Variants in ROR1 observed in about 807,000 individuals in gnomAD.
ROR1 encodes the protein inactive tyrosine-protein kinase transmembrane receptor ROR1.
Under a neutral mutation model 78.8 loss-of-function variants are expected in ROR1, and 19 were observed. The ratio of observed to expected loss-of-function variants is 0.24; its 90% confidence interval spans 0.17 to 0.35. The LOEUF (loss-of-function observed/expected upper bound fraction) is 0.35. ROR1 is among the 10% of genes least tolerant of loss of function. The pLI, the probability that ROR1 is intolerant of heterozygous loss-of-function variation, is 1.00. For missense variants in ROR1, 917 were observed against 1,177.8 expected (o/e 0.78, Z 3.24); for synonymous variants, 386 against 433.6 (o/e 0.89, Z 1.36).
At chr1:64,176,601 C>G (rs1254427348) in intron 8 of ROR1, among the ~76,000 whole-genome samples, 2 of 152,222 alleles carry the variant, frequency 1.3e-5, no homozygotes, top group East Asian at 3.8e-4. Context: ...AGCCACCACA[C>G]TGCTTTGTGT....
chr1:64,004,315 A>C (rs1468517866), intron 1 of ROR1, among the ~76,000 whole-genome samples: 1 of 152,214 alleles, frequency 6.6e-6, no homozygotes, highest in Non-Finnish European at 1.5e-5. Context: ...ATAAAAGTAG[A>C]GTTGTTCCTT....
intron 1 of ROR1, among the ~76,000 whole-genome samples, chr1:63,976,791 T>A (rs1646164807): frequency 6.6e-6 from 1 of 152,170 alleles, no homozygotes; most frequent in South Asian, 2.1e-4. Context: ...ATTTTTTGGA[T>A]TTTGGAATAT....
intron 4 of ROR1, among the ~76,000 whole-genome samples, chr1:64,121,514 G>A (rs548839130): frequency 1.3e-5 from 2 of 152,336 alleles, no homozygotes; most frequent in East Asian, 3.9e-4. Context: ...ATTTTGGGAT[G>A]TTTTGTTCAA....
At chr1:63,924,779 T>C (rs2100434594) in intron 1 of ROR1, among the ~76,000 whole-genome samples, 1 of 152,132 alleles carries the variant, frequency 6.6e-6, no homozygotes, top group Non-Finnish European at 1.5e-5. Flanking sequence ...CTGGGAGCAT[T>C]TTGTAGGAGG....
chr1:63,911,397 G>A (rs925791720), intron 1 of ROR1, among the ~76,000 whole-genome samples: 1 of 152,124 alleles, frequency 6.6e-6, no homozygotes, highest in Non-Finnish European at 1.5e-5. Flanking sequence ...ACAGCAGAAG[G>A]TGAGTGGCAG....
chr1:63,998,870 G>A (rs760182323), intron 1 of ROR1, among the ~76,000 whole-genome samples: 1 of 152,122 alleles, frequency 6.6e-6, no homozygotes, highest in African/African-American at 2.4e-5. Context: ...TAATTGAATC[G>A]TGGGGACGGT....
chr1:64,038,293 TCA>T (rs1646719696), intron 2 of ROR1, among the ~76,000 whole-genome samples: 1 of 152,102 alleles, frequency 6.6e-6, no homozygotes. Flanking sequence ...CTGATAAAAG[TCA>T]GGGAACCATC....
At chr1:63,841,611 A>C (rs1281150386) in intron 1 of ROR1, among the ~76,000 whole-genome samples, 1 of 152,210 alleles carries the variant, frequency 6.6e-6, no homozygotes, top group Non-Finnish European at 1.5e-5. Context: ...CCTGTATTTG[A>C]GACTCTGATT....
At chr1:63,823,383 G>C (rs1644934671) in intron 1 of ROR1, among the ~76,000 whole-genome samples, 2 of 148,796 alleles carry the variant, frequency 1.3e-5, no homozygotes, top group Admixed American at 1.3e-4. Context: ...TAGATACAAG[G>C]TTTATAATTT....
rs1246061518 is a variant in ROR1 at position 63,951,713 on chromosome 1, C to G, written c.92-57592C>G. 1.7e-4 allele frequency among the ~76,000 whole-genome samples: 26 copies of G among 152,138 alleles called. 1 individual carries two copies. Among genetic ancestry groups the G allele is most frequent in the Admixed American group, 1.7e-3 (26 of 15,260 alleles). On this transcript the variant is annotated intron_variant, in intron 1 of 8. Transcript: ENST00000371079. The stretch of plus-strand genomic sequence containing the variant: ...TTGTAATTTCTCTTAAAGACACCCC[C>G]CCCTCACCACCAGCCCACATGCTGC...
chr1:64,038,748 AT>A (rs1157853199), intron 2 of ROR1, among the ~76,000 whole-genome samples: 2 of 152,042 alleles, frequency 1.3e-5, no homozygotes, highest in African/African-American at 4.8e-5. Flanking sequence ...TTGTTTATCT[AT>A]TTATAATAGA....
intron 7 of ROR1, among the ~76,000 whole-genome samples, chr1:64,151,244 G>A (rs1459494836): frequency 2.6e-5 from 4 of 152,178 alleles, no homozygotes; most frequent in African/African-American, 9.7e-5. Flanking sequence ...ATATAGCTGA[G>A]ACTGAAGAGA....
chr1:64,018,565 C>T lies in ROR1; in HGVS notation c.163+9189C>T, dbSNP rs139913316. ...TTCTTCTCCCCATTCTTCTTCTTTC[C>T]TCATGCAAGAAATTTTATTGAAGAT... is the stretch of plus-strand genomic sequence containing the variant. On this transcript the variant is annotated intron_variant, in intron 2 of 8. Transcript: ENST00000371079. Among the ~76,000 whole-genome samples, 889 of 152,222 alleles carry T rather than the reference C, an allele frequency of 5.8e-3. 10 individuals carry two copies. Among genetic ancestry groups the T allele is most frequent in the African/African-American group, 0.02 (846 of 41,522 alleles).
At chr1:63,883,297 C>T (rs1476996403) in intron 1 of ROR1, among the ~76,000 whole-genome samples, 1 of 152,116 alleles carries the variant, frequency 6.6e-6, no homozygotes, top group Non-Finnish European at 1.5e-5. Context: ...AATTTGAGCC[C>T]AACCTTTAAG....
At chr1:63,913,503 A>G (rs1051707740) in intron 1 of ROR1, among the ~76,000 whole-genome samples, 1 of 152,130 alleles carries the variant, frequency 6.6e-6, no homozygotes, top group African/African-American at 2.4e-5. Flanking sequence ...GATACCTTTC[A>G]CTAGTTGCCG....
At chr1:63,865,932 A>G (rs186558010) in intron 1 of ROR1, among the ~76,000 whole-genome samples, 14 of 152,280 alleles carry the variant, frequency 9.2e-5, no homozygotes, top group Admixed American at 7.2e-4. Flanking sequence ...CAAATGATGA[A>G]ATGTGGCAAG....
In ROR1 at chr1:64,177,856, C is replaced by T; in HGVS notation, c.1815C>T (p.Tyr605=). 1 of 1,614,128 alleles carries T rather than the reference C, an allele frequency of 6.2e-7. No homozygotes were observed. Among genetic ancestry groups the T allele is most frequent in the Non-Finnish European group, 8.5e-7 (1 of 1,180,028 alleles). The change falls in exon 9 of 9, where the codon TAC becomes TAT. Residue 605 remains tyrosine, a synonymous_variant. Coordinates refer to ENST00000371079, the MANE Select transcript of ROR1 (RefSeq NM_005012.4). ...IAIQIAAGME[Y]LSSHFFVHKD... Reference sequence around the variant, plus strand: ...TTCAGATTGCAGCTGGCATGGAATACCTGTCTAGTCACTTCTTTGTCCACA... The same window carrying T: ...TTCAGATTGCAGCTGGCATGGAATATCTGTCTAGTCACTTCTTTGTCCACA...
In ROR1 at chr1:64,049,677, C is replaced by G. The variant is rs1184736461; in HGVS notation, c.164-14C>G. 2.5e-6 allele frequency: 4 copies of G among 1,609,434 alleles called. No homozygotes were observed. The highest frequency in any genetic ancestry group is 3.4e-6 in the Non-Finnish European group (4 of 1,177,028). ...TGTCTGCCCCTCTCACCTGCCTCCT[C>G]TCTGTGCTCACAGATTCTTACCTGA... On this transcript the variant is annotated splice_polypyrimidine_tract_variant and intron_variant, in intron 2 of 8. Transcript: ENST00000371079.
At chr1:64,112,529 G>A (rs1020788340) in intron 4 of ROR1, among the ~76,000 whole-genome samples, 1 of 152,096 alleles carries the variant, frequency 6.6e-6, no homozygotes, top group Non-Finnish European at 1.5e-5. Context: ...AGCCCTAACA[G>A]TGTCTTAATT....
Sources: allele counts gnomAD v4.1 joint callset (sites outside exome capture counted in the v4.1 genomes callset), GRCh38; gene constraint gnomAD v4.1.1; transcripts MANE v1.5; gene names NCBI Gene and HGNC (gene_info 2026-07-23, HGNC 2026-07-21).